TRIM3: variants seen among roughly 807,000 people sequenced by gnomAD.
The protein encoded by TRIM3 is tripartite motif containing 3.
TRIM3 carries 13 observed loss-of-function variants against 66.6 expected under a neutral mutation model. The ratio of observed to expected loss-of-function variants is 0.20; its 90% confidence interval spans 0.13 to 0.31. The LOEUF is 0.31. TRIM3 is among the 10% of genes least tolerant of loss of function. The pLI is 1.00. For synonymous variants in TRIM3, 406 were observed against 411.7 expected, an observed-to-expected ratio of 0.99 and a Z score of 0.17; for missense variants, 711 against 1,020.4, an observed-to-expected ratio of 0.70 and a Z score of 4.13.
chr11:6,470,491 A>C (rs1009646752), intron 1 of TRIM3, among the ~76,000 whole-genome samples: 1 of 151,950 alleles, frequency 6.6e-6, no homozygotes, highest in Non-Finnish European at 1.5e-5. Flanking sequence ...GTAGCCTCAA[A>C]CTCCTGGGCT....
intron 2 of TRIM3, among the ~76,000 whole-genome samples, chr11:6,464,021 G>A (rs1850346252): frequency 6.6e-6 from 1 of 152,224 alleles, no homozygotes; most frequent in Non-Finnish European, 1.5e-5. Flanking sequence ...AGTGCGGATA[G>A]AGGCAGTGGT....
rs1850241174 is a variant in TRIM3 at position 6,461,560 on chromosome 11, C to A, written c.132-3264G>T. 2.7e-5 allele frequency among the ~76,000 whole-genome samples: 4 copies of A among 150,318 alleles called. No homozygotes were observed. In the South Asian group the frequency reaches 8.4e-4, roughly 31 times the overall value. On this transcript the variant is annotated intron_variant, in intron 2 of 11. Transcript: ENST00000345851. Reference sequence around the variant, plus strand: ...TTTCTTAATTCCTTGACCTTCTCACCCCCAGTGATCTTTTCCCCCATTTCC... The same window carrying A: ...TTTCTTAATTCCTTGACCTTCTCACACCCAGTGATCTTTTCCCCCATTTCC...
In TRIM3 at chr11:6,457,998, C is replaced by G. The variant is rs562213162; in HGVS notation, c.363+67G>C. 9.8e-6 allele frequency: 15 copies of G among 1,536,782 alleles called. No homozygotes were observed. The highest frequency in any genetic ancestry group is 1.3e-5 in the Non-Finnish European group (15 of 1,135,466). On this transcript the variant is annotated intron_variant, in intron 3 of 11. Transcript: ENST00000345851. This position sits in a 1 kb window ranked among gnomAD's most constrained non-coding sequence, Gnocchi z 4.5. ...TACCCTGTCACCCAGCCACTCGGCA[C>G]CCCCCAATGCCTCTCCTCCTCCTCC... is the stretch of plus-strand genomic sequence containing the variant.
chr11:6,463,628 G>C (rs1192763911), intron 2 of TRIM3, among the ~76,000 whole-genome samples: 1 of 152,242 alleles, frequency 6.6e-6, no homozygotes, highest in Non-Finnish European at 1.5e-5. Flanking sequence ...TGGGAAAAGA[G>C]GGAGCAGTCA....
Position 6,448,902 on chromosome 11 carries a change from C to T in TRIM3, c.*126G>A, listed in dbSNP as rs1196964114. On this transcript the variant is annotated 3_prime_UTR_variant, in exon 12 of 12. Coordinates refer to ENST00000345851, the MANE Select transcript of TRIM3 (RefSeq NM_033278.4). ...GGGTGGGGGTAGGAGAGGGAGGGCA[C>T]CGGGTGCACCCATGCCCACAGCCCA... 1.7e-6 allele frequency: 2 copies of T among 1,203,122 alleles called. No homozygotes were observed. The highest frequency in any genetic ancestry group is 1.5e-5 in the African/African-American group (1 of 66,810). 74.5% of individuals were successfully genotyped at this position (1,203,122 alleles called of 1,614,324 possible).
rs771286689 is a variant in TRIM3 at position 6,450,723 on chromosome 11, G to A, written c.1871-102C>T. The A allele has an allele frequency of 1.4e-6, 2 of 1,398,510 alleles. No homozygotes were observed. Among genetic ancestry groups the A allele is most frequent in the Non-Finnish European group, 2.0e-6 (2 of 991,098 alleles). The allele number at this position is 1,398,510 out of a possible 1,614,324, so 86.6% of individuals were successfully genotyped here. A position where few individuals can be genotyped will look rare whatever the true frequency, so the allele number is the denominator to read the frequency against. ...AAGCTAGGGTGTTAGGAGAGGGGTG[G>A]GGTCTCCAGGACTGAGACAAATTAT... On this transcript the variant is annotated intron_variant, in intron 9 of 11. Coordinates refer to ENST00000345851, the MANE Select transcript of TRIM3 (RefSeq NM_033278.4). The surrounding 1 kb of genome is among the most constrained non-coding windows in gnomAD (Gnocchi z 4.8).
Position 6,456,423 on chromosome 11 carries a change from C to T in TRIM3, c.1303G>A (p.Val435Ile). 1.3e-6 allele frequency: 2 copies of T among 1,533,466 alleles called. No individual in the cohort carries two copies. The highest frequency in any genetic ancestry group is 2.0e-5 in the Admixed American group (1 of 49,786). 95.0% of individuals were successfully genotyped at this position (1,533,466 alleles called of 1,614,324 possible). A position where few individuals can be genotyped will look rare whatever the true frequency, so the allele number is the denominator to read the frequency against. Reference protein sequence around the residue: ...PPSPDDVKRRVKSPGGPGSHV... With the variant: ...PPSPDDVKRRIKSPGGPGSHV... ...CTGCCGGGGCCGCCAGGGGACTTGA[C>T]ACGGCGCTTCACATCGTCCGGGGAA... The change falls in exon 6 of 12, where the codon GTC (valine) becomes ATC (isoleucine). Residue 435 changes from valine (V) to isoleucine (I), a missense_variant. By Grantham distance (29) the Val-to-Ile change is conservative. This residue lies in a region of TRIM3 where 399 missense variants were observed against 458.1 expected (regional missense o/e 0.87). Transcript: ENST00000345851. This position sits in a 1 kb window ranked among gnomAD's most constrained non-coding sequence, Gnocchi z 6.4.
In TRIM3 at chr11:6,450,537, G is replaced by C. The variant is rs748808029; in HGVS notation, c.1941+14C>G. 2.5e-6 allele frequency: 4 copies of C among 1,612,204 alleles called. No individual in the cohort carries two copies. The highest frequency in any genetic ancestry group is 3.4e-6 in the Non-Finnish European group (4 of 1,178,244). On this transcript the variant is annotated intron_variant, in intron 10 of 11. Coordinates refer to ENST00000345851, the MANE Select transcript of TRIM3 (RefSeq NM_033278.4). This position sits in a 1 kb window ranked among gnomAD's most constrained non-coding sequence, Gnocchi z 4.8. ...TGTTGGGACAGTGGTCACGGAGGGA[G>C]GGAAGACACTGACCTTCACTGAATG...
chr11:6,472,159 C>T (rs1850709984), intron 1 of TRIM3, among the ~76,000 whole-genome samples: 1 of 152,124 alleles, frequency 6.6e-6, no homozygotes, highest in Admixed American at 6.5e-5. Context: ...AGGATCTAGT[C>T]CTAATGCTGT....
chr11:6,474,175 C>T (rs1393605978), upstream of TRIM3: 2 of 152,046 alleles, frequency 1.3e-5, no homozygotes, highest in East Asian at 1.9e-4. Flanking sequence ...GATCTCGGAT[C>T]CCGGATCTCC....
At chr11:6,459,039 A>G (rs1422360804) in intron 2 of TRIM3, among the ~76,000 whole-genome samples, 1 of 152,236 alleles carries the variant, frequency 6.6e-6, no homozygotes, top group Non-Finnish European at 1.5e-5. Context: ...AAGGAATGAT[A>G]GAAAGTGATA....
At chr11:6,469,915 G>A (rs1850614459) in intron 1 of TRIM3, among the ~76,000 whole-genome samples, 1 of 152,202 alleles carries the variant, frequency 6.6e-6, no homozygotes, top group African/African-American at 2.4e-5. Flanking sequence ...GAGTTACAGA[G>A]AGTATGGTGC....
At chr11:6,463,826 C>T (rs1850338410) in intron 2 of TRIM3, among the ~76,000 whole-genome samples, 1 of 152,164 alleles carries the variant, frequency 6.6e-6, no homozygotes, top group South Asian at 2.1e-4. Context: ...TAAGAACCAA[C>T]AGGCACAAGA....
intron 1 of TRIM3, among the ~76,000 whole-genome samples, chr11:6,472,696 C>CAG (rs1220985419): frequency 2.0e-5 from 3 of 152,148 alleles, no homozygotes; most frequent in Non-Finnish European, 4.4e-5. Flanking sequence ...TCCCTTTCAT[C>CAG]AGAGAGAGAT....
At position 6,458,372 on chromosome 11, in the gene TRIM3, T is replaced by TTGGCACCCATG; in HGVS notation, c.132-77_132-76insCATGGGTGCCA. 2 of 1,203,794 alleles carry TTGGCACCCATG rather than the reference T, an allele frequency of 1.7e-6. No homozygotes were observed. The highest frequency in any genetic ancestry group is 2.4e-6 in the Non-Finnish European group (2 of 836,058). The allele number at this position is 1,203,794 out of a possible 1,614,324, so 74.6% of individuals were successfully genotyped here. A position where few individuals can be genotyped will look rare whatever the true frequency, so the allele number is the denominator to read the frequency against. ...CACCCTTCCTTATACTTCCCATGGG[T>TTGGCACCCATG]GCCAACCCCTTCCCTCACAGGTGTG... On this transcript the variant is annotated intron_variant, in intron 2 of 11. Transcript: ENST00000345851. This position sits in a 1 kb window ranked among gnomAD's most constrained non-coding sequence, Gnocchi z 6.2.
chr11:6,456,463 C>G lies in TRIM3; in HGVS notation c.1263G>C (p.Pro421=). 1.9e-6 allele frequency: 3 copies of G among 1,540,720 alleles called. No homozygotes were observed. Among genetic ancestry groups the G allele is most frequent in the Non-Finnish European group, 2.6e-6 (3 of 1,140,874 alleles). Residue 421 remains proline (P), a synonymous_variant, in exon 6 of 12, where the codon CCG becomes CCC. Coordinates refer to ENST00000345851, the MANE Select transcript of TRIM3 (RefSeq NM_033278.4). The surrounding 1 kb of genome is among the most constrained non-coding windows in gnomAD (Gnocchi z 6.4). ...CGTCCGGGGAAGGTGGCAGGTCCCC[C>G]GGACGCAGGGCACGCACGCGGAAGG... ...GSPFRVRALR[P]GDLPPSPDDV...
intron 7 of TRIM3, among the ~76,000 whole-genome samples, 155 bp downstream of exon 7, chr11:6,455,917 G>A (rs541519152): frequency 2.0e-4 from 30 of 152,280 alleles, no homozygotes; most frequent in South Asian, 6.2e-4. Context: ...TGGTGGGTGC[G>A]TAAGGGGTGA....
chr11:6,457,764 C>T lies in TRIM3; in HGVS notation c.447G>A (p.Val149=), dbSNP rs1348668356. 1 of 1,614,194 alleles carries T rather than the reference C, an allele frequency of 6.2e-7. No individual in the cohort carries two copies. The highest frequency in any genetic ancestry group is 1.7e-5 in the Admixed American group (1 of 60,026). The change falls in exon 4 of 12, where the codon GTG becomes GTA. Residue 149 remains valine, a synonymous_variant. Transcript: ENST00000345851. The surrounding 1 kb of genome is among the most constrained non-coding windows in gnomAD (Gnocchi z 4.5). ...RAGEHREHGT[V]LLRDVVEQHK... is the part of the protein sequence containing the mutation. The stretch of plus-strand genomic sequence containing the variant: ...GCTGCTCCACCACATCCCTCAGCAG[C>T]ACTGTGCCATGCTCACGATGCTCCC...
intron 2 of TRIM3, among the ~76,000 whole-genome samples, chr11:6,460,391 A>C (rs1850174705): frequency 2.6e-5 from 4 of 152,142 alleles, no homozygotes; most frequent in Admixed American, 2.0e-4. Context: ...CCTGTTTGGC[A>C]TGGGAGTTTT....
Sources: gnomAD v4.1 joint callset for allele counts (sites outside exome capture counted in the v4.1 genomes callset) on GRCh38, gnomAD v4.1.1 for gene constraint, gnomAD v4.1.1 regional missense constraint, Gnocchi (gnomAD v3.1) non-coding constraint, MANE v1.5 for transcripts, NCBI Gene and HGNC (gene_info 2026-07-23, HGNC 2026-07-21) for gene names.